Variants in PRAMEF5 observed in about 807,000 individuals in gnomAD.
The protein encoded by PRAMEF5 is PRAME family member 23.
In PRAMEF5, 5 loss-of-function variants were observed where a neutral mutation model predicts 16.4. That is an observed-to-expected ratio of 0.30 (90% CI 0.16 to 0.64). PRAMEF5 has a LOEUF of 0.64. PRAMEF5 is among the 30% of genes least tolerant of loss of function. The probability of loss-of-function intolerance (pLI) is 0.80; values close to 1 mark genes in which losing one functional copy is unlikely to be tolerated. For synonymous variants in PRAMEF5, 19 were observed against 107.3 expected, an observed-to-expected ratio of 0.18 and a Z score of 5.09; for missense variants, 36 against 282.9, an observed-to-expected ratio of 0.13 and a Z score of 6.26.
At chr1:13,262,148 ACCT>A (rs1256922573) in intron 3 of PRAMEF5, 1 of 130,870 alleles carries the variant, frequency 7.6e-6, no homozygotes, top group Non-Finnish European at 1.6e-5. Flanking sequence ...TGCAACCTAC[ACCT>A]CCTGGGTTCA....
chr1:13,263,314 T>A, exon 4 of PRAMEF5: 1 of 617,110 alleles, frequency 1.6e-6, no homozygotes, highest in Non-Finnish European at 2.9e-6. Context: ...TTTGGGGACC[T>A]GTGTCCTGTA....
chr1:13,260,157 G>C lies in PRAMEF5; in HGVS notation c.288-65G>C, dbSNP rs587652732. 131 of 1,553,352 alleles carry C rather than the reference G, an allele frequency of 8.4e-5. 3 individuals carry two copies. In the African/African-American group the frequency reaches 1.6e-3, roughly 19 times the overall value. On this transcript the variant is annotated intron_variant, in intron 2 of 3. Coordinates refer to ENST00000622421, the Ensembl canonical transcript of PRAMEF5. ...CAGGGAGGGGAGGAGCTGCTCTCCA[G>C]GATGTGGAGTTTAAGTTCAGAAATG...
Position 13,259,964 on chromosome 1 carries a change from A to G in PRAMEF5, c.288-258A>G, listed in dbSNP as rs1553173697. 7.8e-6 allele frequency: 4 copies of G among 510,904 alleles called. No homozygotes were observed. The African/African-American group carries it at 7.9e-5, about 10-fold the overall frequency. The allele number at this position is 510,904 out of a possible 1,614,324, so 31.6% of individuals were successfully genotyped here. On this transcript the variant is annotated intron_variant, in intron 2 of 3. Coordinates refer to ENST00000622421, the Ensembl canonical transcript of PRAMEF5. ...CTTGTGAGGTTGAGGCAGGAGAATC[A>G]TTTGAACCCGGGAAGCAGAGGTTGC... is the stretch of plus-strand genomic sequence containing the variant.
At chr1:13,260,071 G>C (rs79427065) in intron 2 of PRAMEF5, 151 bp from the exon 3 acceptor site, 3 of 1,268,956 alleles carry the variant, frequency 2.4e-6, no homozygotes, top group African/African-American at 1.4e-5. Flanking sequence ...AAAAAATGTG[G>C]AAGTGGGCAG....
At chr1:13,262,078 T>G (rs1273211437) in intron 3 of PRAMEF5, 1 of 171,330 alleles carries the variant, frequency 5.8e-6, no homozygotes, top group African/African-American at 2.6e-5. Context: ...CCTTTTTTTT[T>G]TAATGCGGAG....
chr1:13,260,141 G>A, intron 2 of PRAMEF5, 81 bp from the exon 3 acceptor site: 2 of 1,550,590 alleles, frequency 1.3e-6, no homozygotes, highest in Non-Finnish European at 1.8e-6. Context: ...GCAGGGAGGG[G>A]AGGAGCTGCT....
In PRAMEF5 at chr1:13,263,292, A is replaced by G; in HGVS notation, c.*181A>G. The G allele has an allele frequency of 3.8e-6, 3 of 781,592 alleles. No homozygotes were observed. The South Asian group carries it at 5.3e-5, about 14-fold the overall frequency. The allele number at this position is 781,592 out of a possible 1,614,324, so 48.4% of individuals were successfully genotyped here. ...GGACTTGGGGGAAGTGTTGCCATGG[A>G]TTCGATGGGACTTTGGGGACCTGTG... On this transcript the variant is annotated 3_prime_UTR_variant, in exon 4 of 4. Coordinates refer to ENST00000622421, the Ensembl canonical transcript of PRAMEF5.
chr1:13,258,263 TA>T (rs1453449520), intron 1 of PRAMEF5: 1 of 80,528 alleles, frequency 1.2e-5, no homozygotes, highest in Admixed American at 1.4e-4. Flanking sequence ...GAGTAATGCA[TA>T]ACAGTGTCAC....
chr1:13,256,567 CT>C (rs1223036975), intron 1 of PRAMEF5: 2 of 62,562 alleles, frequency 3.2e-5, no homozygotes, highest in Non-Finnish European at 8.1e-5. Context: ...CAATTTGAAG[CT>C]TTGAATGTTT....
In PRAMEF5 at chr1:13,263,310, G is replaced by A. The variant is rs1438453135; in HGVS notation, c.*199G>A. 2.1e-5 allele frequency: 13 copies of A among 619,768 alleles called. 1 individual carries two copies. Among genetic ancestry groups the A allele is most frequent in the East Asian group, 6.5e-5 (2 of 30,870 alleles). 38.4% of individuals were successfully genotyped at this position (619,768 alleles called of 1,614,324 possible). ...GCCATGGATTCGATGGGACTTTGGGGACCTGTGTCCTGTAGAGTGGAAAAT... is the reference window on the plus strand; with the variant it reads ...GCCATGGATTCGATGGGACTTTGGGAACCTGTGTCCTGTAGAGTGGAAAAT... On this transcript the variant is annotated 3_prime_UTR_variant, in exon 4 of 4. Coordinates refer to ENST00000622421, the Ensembl canonical transcript of PRAMEF5.
At chr1:13,262,040 T>G (rs1253144589) in intron 3 of PRAMEF5, 3 of 154,656 alleles carry the variant, frequency 1.9e-5, no homozygotes, top group African/African-American at 8.3e-5. Context: ...GTGAAGTGAC[T>G]CAGCCTCAAA....
At chr1:13,260,711 G>A in exon 3 of PRAMEF5, 1 of 440,290 alleles carries the variant, frequency 2.3e-6, no homozygotes, top group Non-Finnish European at 3.7e-6. Context: ...TTGTTACCCA[G>A]TTCACCACTC....
chr1:13,260,106 G>C, intron 2 of PRAMEF5, 116 bp from the exon 3 acceptor site: 2 of 1,528,078 alleles, frequency 1.3e-6, no homozygotes, highest in Non-Finnish European at 1.8e-6. Flanking sequence ...ACAGGGTGAA[G>C]AAAAGTCAGA....
intron 1 of PRAMEF5, chr1:13,256,210 A>T (rs1312462236): frequency 1.4e-5 from 2 of 141,488 alleles, no homozygotes; most frequent in East Asian, 2.4e-4. Context: ...AGAGCCAAAA[A>T]CCCAATCAGG....
At chr1:13,260,133 A>G (rs1557732847) in intron 2 of PRAMEF5, 89 bp from the exon 3 acceptor site, 2 of 1,548,600 alleles carry the variant, frequency 1.3e-6, no homozygotes, top group African/African-American at 2.7e-5. Context: ...GACAAGAAGC[A>G]GGGAGGGGAG....
At chr1:13,258,825 G>GGGGC (rs1639351354) in intron 1 of PRAMEF5, 1 of 84,614 alleles carries the variant, frequency 1.2e-5, no homozygotes, top group Non-Finnish European at 2.7e-5. Flanking sequence ...AATAGAACCT[G>GGGGC]TTCTAGGGAT....
downstream of PRAMEF5, chr1:13,263,342 T>C (rs1368622875): frequency 0.15 from 87,182 of 593,014 alleles, 5,573 homozygotes; most frequent in Middle Eastern, 0.19. Flanking sequence ...AAATGGGAAT[T>C]TGAATGTCTA....
Position 13,260,038 on chromosome 1 carries a change from G to C in PRAMEF5, c.288-184G>C, listed in dbSNP as rs1194114450. The C allele has an allele frequency of 3.5e-6, 3 of 852,106 alleles. No individual in the cohort carries two copies. In the African/African-American group the frequency reaches 4.9e-5, roughly 14 times the overall value. 52.8% of individuals were successfully genotyped at this position (852,106 alleles called of 1,614,324 possible). On this transcript the variant is annotated intron_variant, in intron 2 of 3. Transcript: ENST00000622421. ...CACTCCAGCCTGGGCGACAGAGGGAGACGTGGTCTCAAAAGAAAAACAAAA... is the reference window on the plus strand; with the variant it reads ...CACTCCAGCCTGGGCGACAGAGGGACACGTGGTCTCAAAAGAAAAACAAAA...
chr1:13,255,955 T>A (rs1639319459), intron 1 of PRAMEF5: 1 of 147,682 alleles, frequency 6.8e-6, no homozygotes, highest in Non-Finnish European at 1.5e-5. Flanking sequence ...CTAATTTTTG[T>A]AATTTTAGTA....
Sources: allele counts gnomAD v4.1 joint callset, GRCh38; gene constraint gnomAD v4.1.1; transcripts MANE v1.5; gene names NCBI Gene and HGNC (gene_info 2026-07-23, HGNC 2026-07-21).